The following PLEKHG5 variants were observed in gnomAD, a reference collection of about 807,000 sequenced individuals.
PLEKHG5 encodes the protein pleckstrin homology domain-containing family G member 5.
In PLEKHG5, 52 loss-of-function variants were observed where a neutral mutation model predicts 103.8. The observed-to-expected ratio is 0.50, with a 90% CI of 0.40 to 0.63. The LOEUF is 0.63. Among genes scored for constraint, PLEKHG5 ranks in the 30% least tolerant of loss-of-function variants. The pLI, the probability that PLEKHG5 is intolerant of heterozygous loss-of-function variation, is 0.00. For missense variants in PLEKHG5, 1,205 were observed against 1,347.6 expected, an observed-to-expected ratio of 0.89 and a Z score of 1.66; for synonymous variants, 592 against 575.5, an observed-to-expected ratio of 1.03 and a Z score of -0.41.
intron 3 of PLEKHG5, 85 bp downstream of exon 3, chr1:6,475,846 C>G (rs2148594921): frequency 8.8e-7 from 1 of 1,140,956 alleles, no homozygotes; most frequent in East Asian, 2.3e-5. Context: ...AGGAAGGCGC[C>G]AGAGCATCTG....
chr1:6,519,185 T>TA (rs1271834944), intron 1 of PLEKHG5, among the ~76,000 whole-genome samples: 2 of 152,200 alleles, frequency 1.3e-5, no homozygotes, highest in African/African-American at 4.8e-5. Flanking sequence ...TGTCAGGAGT[T>TA]AGATGGCTGA....
At position 6,487,661 on chromosome 1, in the gene PLEKHG5, T is replaced by C. The variant is rs1395476836; in HGVS notation, c.-88+3976A>G. Among the ~76,000 whole-genome samples the C allele has an allele frequency of 6.6e-6, 1 of 152,124 alleles. No individual in the cohort carries two copies. The highest frequency in any genetic ancestry group is 1.5e-5 in the Non-Finnish European group (1 of 68,022). ...TAAATGTTACCTCTAAGACGTCCTTTTCCCTCATCTTAAAATAAACCACCC... is the reference window on the plus strand; with the variant it reads ...TAAATGTTACCTCTAAGACGTCCTTCTCCCTCATCTTAAAATAAACCACCC... On this transcript the variant is annotated intron_variant, in intron 1 of 20. Transcript: ENST00000377728. This position sits in a 1 kb window ranked among gnomAD's most constrained non-coding sequence, Gnocchi z 4.1.
At chr1:6,504,271 C>T (rs549820361) in intron 1 of PLEKHG5, among the ~76,000 whole-genome samples, 197 of 152,288 alleles carry the variant, frequency 1.3e-3, no homozygotes, top group African/African-American at 4.6e-3. Context: ...CATCAGCTGC[C>T]ACACTCCTCC....
At chr1:6,475,904 C>T in intron 3 of PLEKHG5, 27 bp downstream of exon 3, 4 of 1,573,410 alleles carry the variant, frequency 2.5e-6, no homozygotes, top group Non-Finnish European at 3.5e-6. Flanking sequence ...CTCCAGGTAT[C>T]TCTCTGCCCA....
rs1311939189 is a variant in PLEKHG5 at position 6,475,200 on chromosome 1, C to CT, written c.211-63dup. 9 of 829,166 alleles carry CT rather than the reference C, an allele frequency of 1.1e-5. 1 individual carries two copies. Among genetic ancestry groups the CT allele is most frequent in the African/African-American group, 1.9e-5 (1 of 53,368 alleles). 51.4% of individuals were successfully genotyped at this position (829,166 alleles called of 1,614,324 possible). ...CCTCACCGCCCTCATTCCCGCCCTC[C>CT]TCCCCACCCTCCTTCCCACCCTCCT... On this transcript the variant is annotated intron_variant, in intron 4 of 20. Transcript: ENST00000377728.
rs558692855 is a variant in PLEKHG5, at chr1:6,479,265, G to T, written c.-87-1607C>A. Among the ~76,000 whole-genome samples, 7 of 149,464 alleles carry T rather than the reference G, an allele frequency of 4.7e-5. No homozygotes were observed. In the South Asian group the frequency reaches 1.5e-3, roughly 32 times the overall value. On this transcript the variant is annotated intron_variant, in intron 1 of 20. Coordinates refer to ENST00000377728, the MANE Select transcript of PLEKHG5 (RefSeq NM_020631.6). ...TAATCAAGTTTCACACGTGGCATTT[G>T]GTTATGTCTGTTTATCCTTTTTTTT...
At chr1:6,519,148 C>T (rs556385004) in intron 1 of PLEKHG5, among the ~76,000 whole-genome samples, 16 of 152,294 alleles carry the variant, frequency 1.1e-4, no homozygotes, top group Admixed American at 3.3e-4. Flanking sequence ...AGCAACCCTT[C>T]GGCATATGGA....
chr1:6,484,400 G>C (rs997843723), intron 1 of PLEKHG5, among the ~76,000 whole-genome samples: 1 of 152,182 alleles, frequency 6.6e-6, no homozygotes, highest in Non-Finnish European at 1.5e-5. Flanking sequence ...AGGGGCACTG[G>C]GGGCACAGTG....
intron 1 of PLEKHG5, among the ~76,000 whole-genome samples, chr1:6,514,373 G>C (rs979878085): frequency 1.3e-5 from 2 of 151,690 alleles, no homozygotes; most frequent in African/African-American, 4.8e-5. Flanking sequence ...AGGATGACTT[G>C]AGCCCAGAAG....
chr1:6,503,093 C>A (rs915166635), intron 1 of PLEKHG5, among the ~76,000 whole-genome samples: 12 of 152,168 alleles, frequency 7.9e-5, no homozygotes, highest in Non-Finnish European at 1.5e-4. Flanking sequence ...AGAGAGTGGG[C>A]ATGGATATTC....
At chr1:6,497,145 C>T, upstream of PLEKHG5, 1 of 1,057,146 alleles carries the variant, frequency 9.5e-7, no homozygotes, top group Non-Finnish European at 1.4e-6. This position sits in a 1 kb window ranked among gnomAD's most constrained non-coding sequence, Gnocchi z 6.1. Context: ...GGAGGAGAAG[C>T]GGGGTGCTGC....
chr1:6,479,834 CT>C (rs1268487015), intron 1 of PLEKHG5, among the ~76,000 whole-genome samples: 1 of 152,104 alleles, frequency 6.6e-6, no homozygotes, highest in Non-Finnish European at 1.5e-5. Flanking sequence ...TAGTCTTGAA[CT>C]CCTGGGCTCA....
chr1:6,487,933 A>G lies in PLEKHG5; in HGVS notation c.-88+3704T>C, dbSNP rs1569950732. ...AACAGATGAAGGCAGAAGGGCCTTC[A>G]TGCCACAGAAGGACATGGGGACAGG... On this transcript the variant is annotated intron_variant, in intron 1 of 20. Transcript: ENST00000377728. This position sits in a 1 kb window ranked among gnomAD's most constrained non-coding sequence, Gnocchi z 4.1. Among the ~76,000 whole-genome samples, 1 of 152,214 alleles carries G rather than the reference A, an allele frequency of 6.6e-6. No homozygotes were observed. Among genetic ancestry groups the G allele is most frequent in the South Asian group, 2.1e-4 (1 of 4,828 alleles).
At chr1:6,470,710 G>C (rs1400990983) in intron 14 of PLEKHG5, 25 bp downstream of exon 14, 8 of 1,550,588 alleles carry the variant, frequency 5.2e-6, no homozygotes, top group Middle Eastern at 1.7e-4. Flanking sequence ...CAGGGGGGAC[G>C]GCTCCCGCTG....
At chr1:6,515,095 C>T (rs1195430668) in intron 1 of PLEKHG5, among the ~76,000 whole-genome samples, 1 of 151,856 alleles carries the variant, frequency 6.6e-6, no homozygotes, top group Non-Finnish European at 1.5e-5. Flanking sequence ...AAAATCATAC[C>T]GAATTTTGGA....
At chr1:6,471,358 CAAGG>C (rs1644579068) in intron 12 of PLEKHG5, 126 bp downstream of exon 12, 11 of 1,113,362 alleles carry the variant, frequency 9.9e-6, no homozygotes, top group African/African-American at 1.6e-5. Flanking sequence ...CCCTTGGCCA[CAAGG>C]GGTCAAGTGC....
chr1:6,509,752 G>A (rs1210205506), intron 1 of PLEKHG5, among the ~76,000 whole-genome samples: 7 of 152,220 alleles, frequency 4.6e-5, no homozygotes, highest in East Asian at 1.9e-4. Context: ...AGCCTCGGCC[G>A]TGACACTTCC....
chr1:6,517,695 A>T (rs1394865161), intron 1 of PLEKHG5, among the ~76,000 whole-genome samples: 1 of 152,200 alleles, frequency 6.6e-6, no homozygotes. Context: ...TGTCAGCTTC[A>T]TAAATCTGTC....
chr1:6,497,569 G>T (rs995241801), upstream of PLEKHG5: 1 of 152,884 alleles, frequency 6.5e-6, no homozygotes, highest in Non-Finnish European at 1.5e-5. This position sits in a 1 kb window ranked among gnomAD's most constrained non-coding sequence, Gnocchi z 6.1. Flanking sequence ...TGCGCGCTGC[G>T]GTCCGGAGGC....
Sources: allele counts gnomAD v4.1 joint callset (sites outside exome capture counted in the v4.1 genomes callset), GRCh38; gene constraint gnomAD v4.1.1; non-coding constraint Gnocchi (gnomAD v3.1); transcripts MANE v1.5; gene names NCBI Gene and HGNC (gene_info 2026-07-23, HGNC 2026-07-21).